The following METTL8 variants were observed in gnomAD, a reference collection of about 807,000 sequenced individuals.
The protein encoded by METTL8 is tRNA N(3)-cytidine methyltransferase METTL8, mitochondrial.
Under a neutral mutation model 48.7 loss-of-function variants are expected in METTL8, and 32 were observed. The observed-to-expected ratio is 0.66, with a 90% CI of 0.50 to 0.88. METTL8 has a LOEUF of 0.88. Among genes scored for constraint, METTL8 ranks in the 40% least tolerant of loss-of-function variants. METTL8 has a pLI of 0.00. For missense variants in METTL8, 464 were observed against 474.4 expected (o/e 0.98, Z 0.20); for synonymous variants, 136 against 157.1 (o/e 0.87, Z 1.01).
At chr2:171,428,544 T>C (rs1692652926) in intron 1 of METTL8, among the ~76,000 whole-genome samples, 1 of 152,166 alleles carries the variant, frequency 6.6e-6, no homozygotes, top group Admixed American at 6.5e-5. Flanking sequence ...TACAAACATA[T>C]TGTTTTTTAT....
chr2:171,434,005 G>A (rs897223690), upstream of METTL8: 29 of 246,400 alleles, frequency 1.2e-4, no homozygotes, highest in African/African-American at 6.7e-4. Flanking sequence ...GGGCAGTGAG[G>A]GAGGGATCCC....
chr2:171,428,421 T>C (rs1332433298), intron 1 of METTL8, among the ~76,000 whole-genome samples: 2 of 152,042 alleles, frequency 1.3e-5, no homozygotes, highest in East Asian at 3.9e-4. Context: ...CTCAGGAGGC[T>C]GAGGCGGGAT....
At chr2:171,373,016 A>G (rs1476331583) in intron 2 of METTL8, among the ~76,000 whole-genome samples, 1 of 152,162 alleles carries the variant, frequency 6.6e-6, no homozygotes, top group Non-Finnish European at 1.5e-5. Flanking sequence ...GGATGACTGG[A>G]TCAAATGGTA....
intron 3 of METTL8, among the ~76,000 whole-genome samples, chr2:171,353,877 G>C (rs1684231597): frequency 6.6e-6 from 1 of 152,138 alleles, no homozygotes; most frequent in Non-Finnish European, 1.5e-5. Flanking sequence ...TGGGTCTCCT[G>C]AATACAGCAC....
chr2:171,341,134 C>T (rs1686707924), intron 3 of METTL8, among the ~76,000 whole-genome samples: 1 of 151,810 alleles, frequency 6.6e-6, no homozygotes, highest in East Asian at 2.0e-4. Flanking sequence ...TCAAGACCAG[C>T]CTGACCAACA....
chr2:171,356,050 C>G (rs973836607), intron 3 of METTL8, among the ~76,000 whole-genome samples: 3 of 152,230 alleles, frequency 2.0e-5, no homozygotes, highest in African/African-American at 7.2e-5. Flanking sequence ...CACCCGTCTT[C>G]TGCATCGCTC....
chr2:171,402,517 G>T (rs1287107388), intron 1 of METTL8, among the ~76,000 whole-genome samples: 2 of 152,106 alleles, frequency 1.3e-5, no homozygotes, highest in African/African-American at 4.8e-5. Context: ...TAATGACTTA[G>T]AATGCGAGTC....
intron 3 of METTL8, among the ~76,000 whole-genome samples, chr2:171,343,817 A>C (rs1251236643): frequency 6.6e-6 from 1 of 152,214 alleles, no homozygotes; most frequent in Non-Finnish European, 1.5e-5. Flanking sequence ...AACATTAAAC[A>C]TTATCAGTTC....
intron 3 of METTL8, among the ~76,000 whole-genome samples, chr2:171,351,062 G>T (rs1194526923): frequency 6.6e-6 from 1 of 152,136 alleles, no homozygotes; most frequent in Non-Finnish European, 1.5e-5. Context: ...GAATGGTATT[G>T]CCTAGGTTTT....
chr2:171,359,751 T>G (rs1684969670), intron 3 of METTL8, among the ~76,000 whole-genome samples: 1 of 152,106 alleles, frequency 6.6e-6, no homozygotes, highest in Non-Finnish European at 1.5e-5. Flanking sequence ...TAGCTGAGAC[T>G]ACAGGCATGT....
chr2:171,371,449 C>T (rs1220745866), intron 2 of METTL8, among the ~76,000 whole-genome samples: 3 of 152,142 alleles, frequency 2.0e-5, no homozygotes, highest in South Asian at 2.1e-4. Context: ...CTCCGCCTCC[C>T]AGGTTCAAGT....
chr2:171,431,188 T>G (rs1401978764), intron 1 of METTL8, among the ~76,000 whole-genome samples: 8 of 152,118 alleles, frequency 5.3e-5, no homozygotes, highest in Non-Finnish European at 1.2e-4. Context: ...CATAAGGGAA[T>G]TTGCACAGGG....
chr2:171,426,756 A>G (rs1196836025), intron 1 of METTL8, among the ~76,000 whole-genome samples: 1 of 152,224 alleles, frequency 6.6e-6, no homozygotes, highest in Non-Finnish European at 1.5e-5. Flanking sequence ...AATAACTTCA[A>G]AATAAATTTC....
At chr2:171,382,327 G>A (rs547429593) in intron 2 of METTL8, among the ~76,000 whole-genome samples, 1 of 152,210 alleles carries the variant, frequency 6.6e-6, no homozygotes, top group African/African-American at 2.4e-5. Context: ...ATAATAGACT[G>A]GATAAAGAAA....
chr2:171,374,524 T>G (rs1686738251), intron 2 of METTL8, among the ~76,000 whole-genome samples: 1 of 152,216 alleles, frequency 6.6e-6, no homozygotes, highest in Non-Finnish European at 1.5e-5. Flanking sequence ...TAAACTGTAT[T>G]CAAAGTGTAC....
At chr2:171,382,409 A>G (rs957131020) in intron 2 of METTL8, among the ~76,000 whole-genome samples, 1 of 152,246 alleles carries the variant, frequency 6.6e-6, no homozygotes, top group Non-Finnish European at 1.5e-5. Context: ...TTGCAGGGAC[A>G]TAAATGAAGC....
chr2:171,376,347 T>C lies in METTL8; in HGVS notation c.143+15696A>G, dbSNP rs144852641. ...CTCTTCCTATCCTGAGTTCCTTTGG[T>C]CTTCACTGTCTTCACACTTATCATA... is the stretch of plus-strand genomic sequence containing the variant. On this transcript the variant is annotated intron_variant, in intron 2 of 9. Coordinates refer to ENST00000375258, the MANE Select transcript of METTL8 (RefSeq NM_001321154.2). 1.6e-3 allele frequency among the ~76,000 whole-genome samples: 242 copies of C among 152,214 alleles called. 2 individuals carry two copies. Among genetic ancestry groups the C allele is most frequent in the African/African-American group, 5.5e-3 (227 of 41,562 alleles).
At chr2:171,363,573 A>C (rs9973419) in intron 2 of METTL8, among the ~76,000 whole-genome samples, 8,789 of 151,690 alleles carry the variant, frequency 0.058, 276 homozygotes, top group African/African-American at 0.085. Context: ...AGAACTAAGA[A>C]ATTCTGTACA....
intron 3 of METTL8, among the ~76,000 whole-genome samples, chr2:171,349,509 C>T (rs1018807954): frequency 2.0e-4 from 30 of 152,124 alleles, no homozygotes; most frequent in Non-Finnish European, 1.5e-4. Flanking sequence ...CCTTTTTAAG[C>T]CAGAACACGA....
Sources: gnomAD v4.1 joint callset for allele counts (sites outside exome capture counted in the v4.1 genomes callset) on GRCh38, gnomAD v4.1.1 for gene constraint, MANE v1.5 for transcripts, NCBI Gene and HGNC (gene_info 2026-07-23, HGNC 2026-07-21) for gene names.